The following BBOX1 variants were observed in gnomAD, a reference collection of about 807,000 sequenced individuals.
The protein encoded by BBOX1 is gamma-butyrobetaine hydroxylase 1, also known as gamma-butyrobetaine dioxygenase.
Under a neutral mutation model 41.6 loss-of-function variants are expected in BBOX1, and 35 were observed. The ratio of observed to expected loss-of-function variants is 0.84; its 90% CI spans 0.64 to 1.11. The LOEUF is 1.11. Ranked by LOEUF, BBOX1 falls within the 50% of genes most tolerant of loss-of-function variation. BBOX1 has a pLI of 0.00. For synonymous variants in BBOX1, 163 were observed against 154.7 expected, an observed-to-expected ratio of 1.05 and a Z score of -0.40; for missense variants, 458 against 460.6, an observed-to-expected ratio of 0.99 and a Z score of 0.05.
intron 2 of BBOX1, among the ~76,000 whole-genome samples, chr11:27,051,353 GT>G (rs1163279509): frequency 6.6e-6 from 1 of 152,032 alleles, no homozygotes; most frequent in African/African-American, 2.4e-5. Flanking sequence ...CATAAAATGA[GT>G]TTGGAAGTAT....
intron 5 of BBOX1, among the ~76,000 whole-genome samples, chr11:27,095,679 T>C (rs1858413103): frequency 6.6e-6 from 1 of 152,010 alleles, no homozygotes; most frequent in African/African-American, 2.4e-5. Flanking sequence ...TCTCTACATA[T>C]TTTTTGACAA....
rs140165200 is a variant in BBOX1 at position 27,119,649 on chromosome 11, G to A, written c.640G>A (p.Val214Ile). Residue 214 changes from valine to isoleucine, a missense_variant and splice_region_variant, in exon 7 of 9, where the codon GTT (valine) becomes ATT (isoleucine). Coordinates refer to ENST00000263182, the MANE Select transcript of BBOX1 (RefSeq NM_003986.3). ...DYPALHHPPG[V>I]QLLHCIKQTV... is the part of the protein sequence containing the mutation. Reference sequence around the variant, plus strand: ...AATAATGCATATTTTCTTTTTATAGGTTCAGCTTCTTCACTGCATAAAGCA... The same window carrying A: ...AATAATGCATATTTTCTTTTTATAGATTCAGCTTCTTCACTGCATAAAGCA... 1.8e-5 allele frequency: 26 copies of A among 1,413,922 alleles called. No individual in the cohort carries two copies. Among genetic ancestry groups the A allele is most frequent in the South Asian group, 2.0e-5 (1 of 49,914 alleles). 87.6% of individuals were successfully genotyped at this position (1,413,922 alleles called of 1,614,324 possible). A position where few individuals can be genotyped will look rare whatever the true frequency, so the allele number is the denominator to read the frequency against.
chr11:27,048,307 T>C (rs142138218), intron 2 of BBOX1, among the ~76,000 whole-genome samples: 179 of 152,216 alleles, frequency 1.2e-3, no homozygotes, highest in African/African-American at 4.1e-3. Flanking sequence ...TCATGACTTC[T>C]ATGAGTTTGG....
Position 27,055,499 on chromosome 11 carries a change from T to C in BBOX1, c.69T>C (p.Asp23=). The C allele has an allele frequency of 1.9e-6, 3 of 1,614,176 alleles. No homozygotes were observed. In the African/African-American group the frequency reaches 4.0e-5, roughly 22 times the overall value. Residue 23 remains aspartate, a synonymous_variant, in exon 3 of 9, where the codon GAT becomes GAC. Coordinates refer to ENST00000263182, the MANE Select transcript of BBOX1 (RefSeq NM_003986.3). The part of the protein sequence containing the change: ...GAHLMQILWY[D]EEESLYPAVW... ...ATTTGATGCAGATCCTCTGGTATGA[T>C]GAGGAAGAGTCTCTCTACCCAGCTG...
At chr11:27,072,808 T>A (rs921762203) in intron 4 of BBOX1, among the ~76,000 whole-genome samples, 1 of 151,972 alleles carries the variant, frequency 6.6e-6, no homozygotes, top group African/African-American at 2.4e-5. Context: ...CTGACAAAAA[T>A]AAGAAATGGG....
At chr11:27,077,862 G>A (rs1388148409) in intron 4 of BBOX1, among the ~76,000 whole-genome samples, 2 of 151,936 alleles carry the variant, frequency 1.3e-5, no homozygotes, top group African/African-American at 4.8e-5. Context: ...ATCATCCCAT[G>A]TCTGTATTAC....
chr11:27,058,392 C>G (rs1857047485), intron 4 of BBOX1, among the ~76,000 whole-genome samples: 1 of 152,160 alleles, frequency 6.6e-6, no homozygotes, highest in Non-Finnish European at 1.5e-5. Context: ...CAAACTAATA[C>G]AGAAAATTGG....
intron 4 of BBOX1, among the ~76,000 whole-genome samples, chr11:27,070,304 G>T (rs1857403150): frequency 1.3e-5 from 2 of 152,088 alleles, no homozygotes; most frequent in African/African-American, 4.8e-5. Flanking sequence ...TAAGTCCATT[G>T]TTGCTTTGTT....
At chr11:27,051,698 CTCTT>C (rs960998593) in intron 2 of BBOX1, among the ~76,000 whole-genome samples, 3 of 151,806 alleles carry the variant, frequency 2.0e-5, no homozygotes, top group African/African-American at 7.2e-5. Context: ...TGAGTCTTCT[CTCTT>C]TGTTTCTTAG....
chr11:27,059,916 G>T (rs969386220), intron 4 of BBOX1, among the ~76,000 whole-genome samples: 1 of 152,098 alleles, frequency 6.6e-6, no homozygotes, highest in South Asian at 2.1e-4. Flanking sequence ...CAGGCTTATG[G>T]GTGGCAGAGA....
chr11:27,084,946 A>G (rs1857981331), intron 4 of BBOX1, among the ~76,000 whole-genome samples: 1 of 152,176 alleles, frequency 6.6e-6, no homozygotes, highest in Admixed American at 6.5e-5. Flanking sequence ...TATCTTAAAT[A>G]TTCCATCATT....
At chr11:27,075,515 C>T (rs1336581611) in intron 4 of BBOX1, among the ~76,000 whole-genome samples, 2 of 152,104 alleles carry the variant, frequency 1.3e-5, no homozygotes, top group African/African-American at 4.8e-5. Flanking sequence ...GCTGGGGGAG[C>T]TCTCAGTGAA....
chr11:27,099,558 T>C (rs1291559171), intron 5 of BBOX1, among the ~76,000 whole-genome samples: 1 of 152,024 alleles, frequency 6.6e-6, no homozygotes, highest in Non-Finnish European at 1.5e-5. Flanking sequence ...AATAAATACT[T>C]TGGAAACTTT....
At chr11:27,066,688 A>G (rs1253125866) in intron 4 of BBOX1, 1 of 149,588 alleles carries the variant, frequency 6.7e-6, no homozygotes, top group Non-Finnish European at 1.5e-5. Flanking sequence ...AAAAAAAAAA[A>G]GAAAAAAAAC....
intron 4 of BBOX1, among the ~76,000 whole-genome samples, chr11:27,066,274 C>T (rs1204234997): frequency 3.3e-5 from 5 of 152,010 alleles, no homozygotes; most frequent in Admixed American, 1.3e-4. Context: ...AGTTTTATAA[C>T]ATTGGCAGTT....
intron 2 of BBOX1, among the ~76,000 whole-genome samples, chr11:27,053,902 T>C (rs1322238683): frequency 6.6e-6 from 1 of 152,194 alleles, no homozygotes; most frequent in African/African-American, 2.4e-5. Context: ...ATTTCACACA[T>C]GCAATTATTG....
intron 6 of BBOX1, among the ~76,000 whole-genome samples, chr11:27,117,148 A>G (rs1386432569): frequency 2.0e-5 from 3 of 152,048 alleles, no homozygotes; most frequent in Middle Eastern, 3.2e-3. Context: ...CAGCTAAATT[A>G]GACTATGTGA....
At chr11:27,088,765 T>A (rs1315070425) in intron 4 of BBOX1, among the ~76,000 whole-genome samples, 1 of 152,032 alleles carries the variant, frequency 6.6e-6, no homozygotes, top group Admixed American at 6.6e-5. Context: ...TTTGACTAAG[T>A]AGTCTTATAA....
chr11:27,075,925 G>A (rs1328178817), intron 4 of BBOX1, among the ~76,000 whole-genome samples: 3 of 152,214 alleles, frequency 2.0e-5, no homozygotes. Context: ...CTGCCTGACA[G>A]TTGGGGCAGA....
Sources: allele counts gnomAD v4.1 joint callset (sites outside exome capture counted in the v4.1 genomes callset), GRCh38; gene constraint gnomAD v4.1.1; transcripts MANE v1.5; gene names NCBI Gene and HGNC (gene_info 2026-07-23, HGNC 2026-07-21).